The following KIAA1217 variants were observed in gnomAD, a reference collection of about 807,000 sequenced individuals.
KIAA1217 encodes KIAA1217, also known as sickle tail protein homolog.
Under a neutral mutation model 163.9 loss-of-function variants are expected in KIAA1217, and 88 were observed. The observed-to-expected ratio is 0.54, with a 90% CI of 0.45 to 0.64. KIAA1217 has a LOEUF of 0.64. KIAA1217 is among the 30% of genes least tolerant of loss of function. The probability of loss-of-function intolerance (pLI) is 0.00; values close to 1 mark genes in which losing one functional copy is unlikely to be tolerated. For missense variants in KIAA1217, 2,372 were observed against 2,475.0 expected (o/e 0.96, Z 0.88); for synonymous variants, 903 against 923.1 (o/e 0.98, Z 0.39).
intron 9 of KIAA1217, among the ~76,000 whole-genome samples, chr10:24,501,883 G>T (rs565391379): frequency 2.6e-5 from 4 of 151,482 alleles, no homozygotes; most frequent in Non-Finnish European, 5.9e-5. Context: ...CGAGTAGCTG[G>T]AACTACAGGC....
At chr10:24,270,266 T>C (rs1442218823) in intron 2 of KIAA1217, among the ~76,000 whole-genome samples, 2 of 152,258 alleles carry the variant, frequency 1.3e-5, no homozygotes, top group South Asian at 2.1e-4. Context: ...GTTTGGTCAC[T>C]GAACACTGTC....
intron 1 of KIAA1217, among the ~76,000 whole-genome samples, chr10:23,777,522 T>A (rs1835057629): frequency 6.6e-6 from 1 of 152,214 alleles, no homozygotes; most frequent in Admixed American, 6.5e-5. Context: ...AAAAGGCTAA[T>A]CCATAATCAA....
chr10:24,371,867 C>A (rs181862890), intron 2 of KIAA1217, among the ~76,000 whole-genome samples: 1 of 152,216 alleles, frequency 6.6e-6, no homozygotes, highest in African/African-American at 2.4e-5. Flanking sequence ...TTTAGTAATT[C>A]TCTGATTTGT....
chr10:24,137,828 A>G (rs1490186992), intron 2 of KIAA1217, among the ~76,000 whole-genome samples: 18 of 152,176 alleles, frequency 1.2e-4, no homozygotes, highest in Admixed American at 1.2e-3. Flanking sequence ...TAGTAAAAAC[A>G]CTTCTTTTCT....
intron 1 of KIAA1217, among the ~76,000 whole-genome samples, chr10:24,000,332 G>C (rs771923199): frequency 6.6e-6 from 1 of 152,126 alleles, no homozygotes; most frequent in Non-Finnish European, 1.5e-5. Context: ...TAGTAATAGT[G>C]AGTGATTTAT....
At chr10:24,047,466 G>A (rs1435663725) in intron 2 of KIAA1217, among the ~76,000 whole-genome samples, 1 of 152,208 alleles carries the variant, frequency 6.6e-6, no homozygotes, top group East Asian at 1.9e-4. Context: ...CTTAGTTAAT[G>A]TGTGTCCAGT....
intron 1 of KIAA1217, among the ~76,000 whole-genome samples, chr10:23,951,497 AC>A (rs567625944): frequency 2.0e-4 from 30 of 152,230 alleles, no homozygotes; most frequent in African/African-American, 7.2e-4. Context: ...CTATAAAAAT[AC>A]AAAAATTATG....
At chr10:24,161,066 C>A (rs761312557) in intron 2 of KIAA1217, among the ~76,000 whole-genome samples, 3 of 152,308 alleles carry the variant, frequency 2.0e-5, no homozygotes, top group Non-Finnish European at 4.4e-5. Context: ...CCTCAGACAT[C>A]AAGTCCTTGT....
intron 1 of KIAA1217, among the ~76,000 whole-genome samples, chr10:23,726,976 CCT>C: frequency 7.4e-6 from 1 of 135,086 alleles, no homozygotes; most frequent in Non-Finnish European, 1.5e-5. Flanking sequence ...TTTGTATAGG[CCT>C]CTTTTTTTTT....
chr10:23,846,961 T>C (rs1839063693), intron 1 of KIAA1217, among the ~76,000 whole-genome samples: 1 of 152,172 alleles, frequency 6.6e-6, no homozygotes, highest in Non-Finnish European at 1.5e-5. Flanking sequence ...TTGAATTTTG[T>C]CAAAGGCCTT....
chr10:24,543,241 G>A lies in KIAA1217; in HGVS notation c.3971G>A (p.Arg1324Lys). The A allele has an allele frequency of 6.2e-7, 1 of 1,613,690 alleles. No individual in the cohort carries two copies. Among genetic ancestry groups the A allele is most frequent in the African/African-American group, 1.3e-5 (1 of 74,910 alleles). ...AAGTGTCACGTTTCCTCTCACACTAGACTAACAGAATCAAGCGTGCATGAT... is the reference window on the plus strand; with the variant it reads ...AAGTGTCACGTTTCCTCTCACACTAAACTAACAGAATCAAGCGTGCATGAT... ...TDKCHVSSHT[R>K]LTESSVHDFK... The change falls in exon 19 of 21, where the codon AGA becomes AAA. Residue 1324 changes from arginine (R) to lysine (K), a missense_variant. Coordinates refer to ENST00000376454, the MANE Select transcript of KIAA1217 (RefSeq NM_019590.5).
At chr10:24,259,583 CCAG>C (rs2075521061) in intron 2 of KIAA1217, among the ~76,000 whole-genome samples, 1 of 152,176 alleles carries the variant, frequency 6.6e-6, no homozygotes, top group African/African-American at 2.4e-5. Context: ...TCACTGCAGT[CCAG>C]CCAGGGCAAC....
intron 2 of KIAA1217, among the ~76,000 whole-genome samples, chr10:24,238,937 A>G (rs2072670310): frequency 6.6e-6 from 1 of 152,214 alleles, no homozygotes; most frequent in Admixed American, 6.5e-5. Flanking sequence ...TGCCAACAGC[A>G]CAAATTATAC....
At chr10:24,265,108 C>T (rs545464165) in intron 2 of KIAA1217, among the ~76,000 whole-genome samples, 79 of 152,292 alleles carry the variant, frequency 5.2e-4, no homozygotes, top group African/African-American at 1.8e-3. Flanking sequence ...AAGCAATCCG[C>T]CCACCTTGGC....
At chr10:23,957,310 T>C (rs1844611343) in intron 1 of KIAA1217, among the ~76,000 whole-genome samples, 1 of 152,218 alleles carries the variant, frequency 6.6e-6, no homozygotes, top group Admixed American at 6.5e-5. Flanking sequence ...TGTCGTTTCC[T>C]ACCTCATAGT....
At chr10:23,774,504 T>C (rs77320261) in intron 1 of KIAA1217, among the ~76,000 whole-genome samples, 6,946 of 152,248 alleles carry the variant, frequency 0.046, 519 homozygotes, top group African/African-American at 0.15. Flanking sequence ...CCCTGCAGGA[T>C]GACCTGGGGC....
chr10:24,274,061 T>C (rs1336188), intron 2 of KIAA1217, among the ~76,000 whole-genome samples: 46,595 of 152,056 alleles, frequency 0.31, 8,459 homozygotes, highest in Admixed American at 0.46. Flanking sequence ...AATAAGGCAA[T>C]GATTTACATT....
chr10:23,798,125 A>G (rs984078675), intron 1 of KIAA1217, among the ~76,000 whole-genome samples: 5 of 152,114 alleles, frequency 3.3e-5, no homozygotes, highest in Non-Finnish European at 4.4e-5. Flanking sequence ...ATCAGGTTGT[A>G]GAGGGAAAAT....
At chr10:23,913,833 G>T (rs1182406208) in intron 1 of KIAA1217, among the ~76,000 whole-genome samples, 1 of 152,118 alleles carries the variant, frequency 6.6e-6, no homozygotes, top group Non-Finnish European at 1.5e-5. Flanking sequence ...TCTCTTTGGG[G>T]GTTGGGGGAG....
Sources: allele counts gnomAD v4.1 joint callset (sites outside exome capture counted in the v4.1 genomes callset), GRCh38; gene constraint gnomAD v4.1.1; transcripts MANE v1.5; gene names NCBI Gene and HGNC (gene_info 2026-07-23, HGNC 2026-07-21).